Variants in NAA60 observed in about 807,000 individuals in gnomAD.
NAA60 encodes the protein N-alpha-acetyltransferase 60, NatF catalytic subunit.
Under a neutral mutation model 26.1 loss-of-function variants are expected in NAA60, and 8 were observed. The observed-to-expected ratio is 0.31, with a 90% CI of 0.18 to 0.55. NAA60 has a LOEUF of 0.55. Ranked by LOEUF, NAA60 falls within the 20% of genes least tolerant of loss-of-function variation. The pLI, the probability that NAA60 is intolerant of heterozygous loss-of-function variation, is 0.93. For synonymous variants in NAA60, 131 were observed against 122.5 expected (o/e 1.07, Z -0.46); for missense variants, 290 against 311.3 (o/e 0.93, Z 0.51).
At chr16:3,443,878 G>C (rs75630518) in intron 1 of NAA60, 41 bp downstream of exon 1, 82,261 of 1,520,778 alleles carry the variant, frequency 0.054, 2,526 homozygotes, top group Non-Finnish European at 0.059. Flanking sequence ...TGAAATTTCG[G>C]TCTGGCCAGA....
chr16:3,482,155 A>G (rs2036877158), intron 4 of NAA60, among the ~76,000 whole-genome samples: 1 of 152,302 alleles, frequency 6.6e-6, no homozygotes, highest in South Asian at 2.1e-4. Context: ...GTGCATTCCC[A>G]TGAGGCCCGC....
chr16:3,479,858 C>T (rs751326755), intron 4 of NAA60, among the ~76,000 whole-genome samples: 6 of 152,258 alleles, frequency 3.9e-5, no homozygotes, highest in African/African-American at 1.2e-4. Flanking sequence ...CAGGCATGAG[C>T]GCAGATGATG....
chr16:3,464,602 G>A (rs1452248739), intron 2 of NAA60, among the ~76,000 whole-genome samples: 1 of 152,180 alleles, frequency 6.6e-6, no homozygotes, highest in African/African-American at 2.4e-5. Context: ...ACAGATTCTT[G>A]GTTGAGCCTT....
chr16:3,469,853 A>C (rs778954127), intron 2 of NAA60, among the ~76,000 whole-genome samples: 2 of 152,246 alleles, frequency 1.3e-5, no homozygotes, highest in Non-Finnish European at 2.9e-5. Flanking sequence ...GAAGCCATCC[A>C]GCCAAGAGCC....
chr16:3,458,066 C>G lies in NAA60; in HGVS notation c.-7+9526C>G, dbSNP rs939800489. The G allele has an allele frequency of 4.1e-5, 40 of 985,352 alleles. No individual in the cohort carries two copies. The South Asian group carries it at 6.1e-4, about 15-fold the overall frequency. The allele number at this position is 985,352 out of a possible 1,614,324, so 61.0% of individuals were successfully genotyped here. On this transcript the variant is annotated intron_variant, in intron 2 of 7. Transcript: ENST00000407558. ...TGCCGCCTCCGTCCCGGCTGCGGCC[C>G]CTGCCGGTTACATAACTCGTTGCGG...
At chr16:3,443,969 G>C (rs2034446782) in intron 1 of NAA60, 132 bp downstream of exon 1, 1 of 1,377,766 alleles carries the variant, frequency 7.3e-7, no homozygotes, top group African/African-American at 1.5e-5. Context: ...TGGTGGGGCC[G>C]TGGAACATGA....
chr16:3,458,393 C>T (rs1337057836), intron 2 of NAA60, among the ~76,000 whole-genome samples: 1 of 152,090 alleles, frequency 6.6e-6, no homozygotes, highest in Non-Finnish European at 1.5e-5. Flanking sequence ...GGGCGCTGGC[C>T]AGGGACGAGG....
In NAA60 at chr16:3,464,142, T is replaced by C. The variant is rs546527039; in HGVS notation, c.-6-12080T>C. Among the ~76,000 whole-genome samples the C allele has an allele frequency of 6.4e-4, 97 of 152,290 alleles. No individual in the cohort carries two copies. In the East Asian group the frequency reaches 0.016, roughly 25 times the overall value. Reference sequence around the variant, plus strand: ...TCCGCCTCCTGGGTTCAAACGATTCTCCTGCCTCAGCCTCCCAAGTAGCTG... The same window carrying C: ...TCCGCCTCCTGGGTTCAAACGATTCCCCTGCCTCAGCCTCCCAAGTAGCTG... On this transcript the variant is annotated intron_variant, in intron 2 of 7. Coordinates refer to ENST00000407558, the MANE Select transcript of NAA60 (RefSeq NM_001083601.3).
intron 2 of NAA60, among the ~76,000 whole-genome samples, chr16:3,465,904 A>G (rs1209396105): frequency 6.6e-6 from 1 of 152,236 alleles, no homozygotes; most frequent in Non-Finnish European, 1.5e-5. Flanking sequence ...GCGATAAATT[A>G]ATGACTAAAT....
At chr16:3,479,182 G>A (rs940459143) in intron 3 of NAA60, among the ~76,000 whole-genome samples, 4 of 152,204 alleles carry the variant, frequency 2.6e-5, no homozygotes, top group Non-Finnish European at 4.4e-5. Context: ...AACGGTTGCA[G>A]TGAGCCGAGA....
In NAA60 at chr16:3,465,556, C is replaced by T. The variant is rs556824362; in HGVS notation, c.-6-10666C>T. Among the ~76,000 whole-genome samples, 9 of 152,268 alleles carry T rather than the reference C, an allele frequency of 5.9e-5. 1 individual carries two copies. The South Asian group carries it at 1.4e-3, about 25-fold the overall frequency. On this transcript the variant is annotated intron_variant, in intron 2 of 7. Transcript: ENST00000407558. ...AAGGTGCTGTCCCCCAGGCTGCAGA[C>T]GGGGGTTAGTACAGCAACCTCAGAC...
At chr16:3,476,111 G>T (rs536648960) in intron 2 of NAA60, 111 bp from the exon 3 acceptor site, 1 of 741,078 alleles carries the variant, frequency 1.3e-6, no homozygotes, top group East Asian at 2.8e-5. Flanking sequence ...TGGCTGAGGG[G>T]TGTCCACCCG....
chr16:3,445,628 T>G (rs555808455), intron 1 of NAA60, among the ~76,000 whole-genome samples: 2 of 152,260 alleles, frequency 1.3e-5, no homozygotes, highest in African/African-American at 4.8e-5. Context: ...GAGATTCTCC[T>G]TATCTGGATT....
At chr16:3,458,057 G>T in intron 2 of NAA60, 8 of 985,310 alleles carry the variant, frequency 8.1e-6, no homozygotes, top group Non-Finnish European at 9.6e-6. Flanking sequence ...CTCCGTCCCG[G>T]CTGCGGCCCC....
At chr16:3,467,924 C>T (rs766665098) in intron 2 of NAA60, 14 of 152,228 alleles carry the variant, frequency 9.2e-5, no homozygotes, top group South Asian at 2.1e-4. Flanking sequence ...TTATTGAAAA[C>T]GAAAGTACAC....
chr16:3,469,408 C>G (rs996126236), intron 2 of NAA60, among the ~76,000 whole-genome samples: 1 of 146,320 alleles, frequency 6.8e-6, no homozygotes. Context: ...TCTGACTTTG[C>G]CTTGCTGCTC....
intron 2 of NAA60, among the ~76,000 whole-genome samples, chr16:3,450,496 C>G (rs985809208): frequency 2.0e-5 from 3 of 151,838 alleles, no homozygotes; most frequent in African/African-American, 4.8e-5. Context: ...GTCAGGAGAT[C>G]GAGACCATCC....
intron 2 of NAA60, among the ~76,000 whole-genome samples, chr16:3,473,707 TTTGTTG>T (rs199845048): frequency 0.033 from 4,841 of 145,838 alleles, 195 homozygotes; most frequent in South Asian, 0.13. Flanking sequence ...GCCCCAGCTT[TTTGTTG>T]TTGTTGTTGT....
intron 2 of NAA60, among the ~76,000 whole-genome samples, chr16:3,453,947 A>G (rs1020430298): frequency 6.6e-6 from 1 of 152,038 alleles, no homozygotes; most frequent in Non-Finnish European, 1.5e-5. Flanking sequence ...AGAGCAGGGC[A>G]TGGGTTTGTG....
Sources: gnomAD v4.1 joint callset for allele counts (sites outside exome capture counted in the v4.1 genomes callset) on GRCh38, gnomAD v4.1.1 for gene constraint, MANE v1.5 for transcripts, NCBI Gene and HGNC (gene_info 2026-07-23, HGNC 2026-07-21) for gene names.